CYP20A1: variants seen among roughly 807,000 people sequenced by gnomAD.
CYP20A1 encodes the protein cytochrome P450 20A1.
Under a neutral mutation model 61.4 loss-of-function variants are expected in CYP20A1, and 61 were observed. The ratio of observed to expected loss-of-function variants is 0.99; its 90% CI spans 0.81 to 1.23. The LOEUF (loss-of-function observed/expected upper bound fraction) is 1.23, where lower values mean the gene tolerates loss of function less well. CYP20A1 is among the 50% of genes most tolerant of loss of function. CYP20A1 has a pLI of 0.00. For missense variants in CYP20A1, 530 were observed against 542.4 expected, an observed-to-expected ratio of 0.98 and a Z score of 0.23; for synonymous variants, 193 against 188.2, an observed-to-expected ratio of 1.03 and a Z score of -0.21.
rs2068975204 is a variant in CYP20A1 at position 203,300,433 on chromosome 2, T to C, written c.*3525T>C. Among the ~76,000 whole-genome samples, 1 of 152,332 alleles carries C rather than the reference T, an allele frequency of 6.6e-6. No individual in the cohort carries two copies. The highest frequency in any genetic ancestry group is 1.5e-5 in the Non-Finnish European group (1 of 68,038). On this transcript the variant is annotated 3_prime_UTR_variant, in exon 13 of 13. Transcript: ENST00000356079. Reference sequence around the variant, plus strand: ...ATTTTGGCCACTTCACTGTCACTGATGGCTTATAGAATGATTCTAGCAGGA... The same window carrying C: ...ATTTTGGCCACTTCACTGTCACTGACGGCTTATAGAATGATTCTAGCAGGA...
intron 6 of CYP20A1, among the ~76,000 whole-genome samples, chr2:203,273,873 G>A (rs1286362714): frequency 6.6e-6 from 1 of 152,136 alleles, no homozygotes; most frequent in Non-Finnish European, 1.5e-5. Flanking sequence ...CTTGAACCCT[G>A]GAGGCAGAAG....
chr2:203,262,553 A>C (rs552484423), intron 4 of CYP20A1, among the ~76,000 whole-genome samples: 1 of 151,602 alleles, frequency 6.6e-6, no homozygotes, highest in African/African-American at 2.4e-5. Context: ...TTAACTTGCT[A>C]TTCTTTTTCT....
chr2:203,250,817 CG>C (rs2066635998), intron 3 of CYP20A1, among the ~76,000 whole-genome samples: 1 of 152,028 alleles, frequency 6.6e-6, no homozygotes, highest in African/African-American at 2.4e-5. Context: ...GTAATCCCAG[CG>C]CTTTGGGAGG....
At chr2:203,256,410 A>ACAG in intron 4 of CYP20A1, among the ~76,000 whole-genome samples, 1 of 151,942 alleles carries the variant, frequency 6.6e-6, no homozygotes, top group Middle Eastern at 3.4e-3. Context: ...GCCAGGCTGG[A>ACAG]GTGCAGTGGT....
At chr2:203,280,570 G>A (rs1033840969) in intron 8 of CYP20A1, among the ~76,000 whole-genome samples, 2 of 152,158 alleles carry the variant, frequency 1.3e-5, no homozygotes, top group Admixed American at 6.5e-5. Context: ...GTGTGGTGGC[G>A]CATGCCTGTG....
At chr2:203,272,790 A>G (rs981107781) in intron 6 of CYP20A1, 42 bp downstream of exon 6, 1 of 1,197,046 alleles carries the variant, frequency 8.4e-7, no homozygotes. Context: ...CAAAAAATAA[A>G]TGTGCCCCAG....
intron 4 of CYP20A1, among the ~76,000 whole-genome samples, chr2:203,252,504 C>T (rs1011016803): frequency 2.0e-5 from 3 of 151,978 alleles, no homozygotes; most frequent in South Asian, 2.1e-4. Flanking sequence ...AAGCAATTCT[C>T]GTGCCTCAGC....
chr2:203,305,627 A>G lies in CYP20A1; in HGVS notation c.*8719A>G, dbSNP rs890882296. 3 of 152,174 alleles carry G rather than the reference A, an allele frequency of 2.0e-5. No homozygotes were observed. Among genetic ancestry groups the G allele is most frequent in the Non-Finnish European group, 4.4e-5 (3 of 68,044 alleles). 9.4% of individuals were successfully genotyped at this position (152,174 alleles called of 1,614,324 possible). On this transcript the variant is annotated 3_prime_UTR_variant, in exon 13 of 13. Transcript: ENST00000356079. ...TTATATCCTGTTTGGTGATTTTTAGAAAAACATATTTATCTACATCTAAAA... is the reference window on the plus strand; with the variant it reads ...TTATATCCTGTTTGGTGATTTTTAGGAAAACATATTTATCTACATCTAAAA...
At chr2:203,250,818 G>A (rs201063662) in intron 3 of CYP20A1, among the ~76,000 whole-genome samples, 154 of 151,950 alleles carry the variant, frequency 1.0e-3, no homozygotes, top group Admixed American at 3.1e-3. Flanking sequence ...TAATCCCAGC[G>A]CTTTGGGAGG....
chr2:203,291,257 G>A (rs1156748482), intron 10 of CYP20A1, among the ~76,000 whole-genome samples: 8 of 151,964 alleles, frequency 5.3e-5, no homozygotes, highest in Non-Finnish European at 1.2e-4. Flanking sequence ...GGCTGATATG[G>A]AACTCCTGGG....
intron 6 of CYP20A1, among the ~76,000 whole-genome samples, chr2:203,273,501 C>T (rs1359898967): frequency 1.3e-5 from 2 of 152,004 alleles, no homozygotes; most frequent in Non-Finnish European, 2.9e-5. Flanking sequence ...TTAAATATTA[C>T]GGATATTTAT....
At chr2:203,241,767 C>T (rs1039684602) in intron 1 of CYP20A1, among the ~76,000 whole-genome samples, 5 of 152,198 alleles carry the variant, frequency 3.3e-5, no homozygotes, top group East Asian at 3.8e-4. Context: ...TGGCCCCAGG[C>T]GATCCTCGCA....
At chr2:203,286,171 C>T (rs2068259802) in intron 9 of CYP20A1, among the ~76,000 whole-genome samples, 1 of 152,106 alleles carries the variant, frequency 6.6e-6, no homozygotes, top group Non-Finnish European at 1.5e-5. Context: ...TGCCTGTAGT[C>T]CAAGCTACTC....
chr2:203,253,242 A>T (rs2066764406), intron 4 of CYP20A1, among the ~76,000 whole-genome samples: 1 of 152,050 alleles, frequency 6.6e-6, no homozygotes, highest in African/African-American at 2.4e-5. Flanking sequence ...TGTTTCTGAA[A>T]TTGTCCTATA....
chr2:203,266,500 C>A lies in CYP20A1; in HGVS notation c.433-14C>A, dbSNP rs2067327921. On this transcript the variant is annotated splice_polypyrimidine_tract_variant and intron_variant, in intron 4 of 12. Coordinates refer to ENST00000356079, the MANE Select transcript of CYP20A1 (RefSeq NM_177538.3). ...AAGAAACAGTAATCATTGTGCTTTT[C>A]TGTTCTCTTTCAGCTTTCAGAAGAA... 1 of 1,610,358 alleles carries A rather than the reference C, an allele frequency of 6.2e-7. No individual in the cohort carries two copies. The highest frequency in any genetic ancestry group is 8.5e-7 in the Non-Finnish European group (1 of 1,176,980).
At chr2:203,286,238 C>T (rs956336825) in intron 9 of CYP20A1, among the ~76,000 whole-genome samples, 2 of 152,210 alleles carry the variant, frequency 1.3e-5, no homozygotes, top group African/African-American at 2.4e-5. Flanking sequence ...ACAGTGATTG[C>T]ATCACTGCAC....
chr2:203,242,752 T>C (rs1559082116), intron 1 of CYP20A1, among the ~76,000 whole-genome samples: 1 of 151,736 alleles, frequency 6.6e-6, no homozygotes, highest in Non-Finnish European at 1.5e-5. Context: ...GATGGCGCCA[T>C]TGCACTCCAG....
chr2:203,257,319 A>C (rs2066929463), intron 4 of CYP20A1, among the ~76,000 whole-genome samples: 1 of 146,464 alleles, frequency 6.8e-6, no homozygotes. Flanking sequence ...CACTGTCTCA[A>C]AAAAAAAAAA....
intron 9 of CYP20A1, among the ~76,000 whole-genome samples, chr2:203,288,275 A>AGGCT (rs1300027899): frequency 6.6e-6 from 1 of 151,550 alleles, no homozygotes; most frequent in East Asian, 1.9e-4. Context: ...CATGTTGGCC[A>AGGCT]GGCTGGTCTC....
Sources: allele counts gnomAD v4.1 joint callset (sites outside exome capture counted in the v4.1 genomes callset), GRCh38; gene constraint gnomAD v4.1.1; transcripts MANE v1.5; gene names NCBI Gene and HGNC (gene_info 2026-07-23, HGNC 2026-07-21).